Variants in SAE1 observed in about 807,000 individuals in gnomAD.
The protein encoded by SAE1 is SUMO-activating enzyme subunit 1.
In SAE1, 11 loss-of-function variants were observed where a neutral mutation model predicts 40.6. The ratio of observed to expected loss-of-function variants is 0.27; its 90% CI spans 0.17 to 0.45. SAE1 has a LOEUF of 0.45. Among genes scored for constraint, SAE1 ranks in the 20% least tolerant of loss-of-function variants. SAE1 has a pLI of 1.00. For synonymous variants in SAE1, 155 were observed against 154.3 expected (o/e 1.00, Z -0.03); for missense variants, 373 against 427.3 (o/e 0.87, Z 1.12).
At position 47,186,055 on chromosome 19, in the gene SAE1, C is replaced by T. The variant is rs557258542; in HGVS notation, c.734-11178C>T. On this transcript the variant is annotated intron_variant, in intron 6 of 8. Transcript: ENST00000270225. ...AGGAGTTCAAGACCAGCCTGGCTAA[C>T]ATGGTGAAACCCCGTCTCTACTAAA... 6.6e-5 allele frequency among the ~76,000 whole-genome samples: 10 copies of T among 151,528 alleles called. No homozygotes were observed. In the South Asian group the frequency reaches 2.1e-3, roughly 32 times the overall value.
At chr19:47,150,086 A>G in intron 2 of SAE1, 116 bp from the exon 3 acceptor site, 1 of 732,024 alleles carries the variant, frequency 1.4e-6, no homozygotes, top group Non-Finnish European at 2.0e-6. Flanking sequence ...AAAAAAAAAA[A>G]AAAAAAAAAT....
chr19:47,161,349 G>T (rs944921012), intron 5 of SAE1, among the ~76,000 whole-genome samples: 1 of 152,048 alleles, frequency 6.6e-6, no homozygotes, highest in African/African-American at 2.4e-5. Flanking sequence ...CACAAAAGAA[G>T]ATATGCAGCA....
chr19:47,190,448 C>CT (rs1285729547), intron 6 of SAE1, among the ~76,000 whole-genome samples: 1 of 152,168 alleles, frequency 6.6e-6, no homozygotes, highest in Non-Finnish European at 1.5e-5. Flanking sequence ...AGGCTGCTGC[C>CT]TGTCAAGAAC....
chr19:47,207,029 C>T (rs559180410), intron 8 of SAE1, among the ~76,000 whole-genome samples: 1 of 152,112 alleles, frequency 6.6e-6, no homozygotes, highest in Non-Finnish European at 1.5e-5. Context: ...GGTGCAGTAG[C>T]TCATGCCTGT....
At chr19:47,137,703 TTGTGTGTG>T (rs35991953) in intron 1 of SAE1, among the ~76,000 whole-genome samples, 7,137 of 134,886 alleles carry the variant, frequency 0.053, 224 homozygotes, top group Middle Eastern at 0.083. Flanking sequence ...ACTCAGCTGA[TTGTGTGTG>T]TGTGTGTGTG....
chr19:47,177,817 G>T (rs1269597686), intron 6 of SAE1, among the ~76,000 whole-genome samples: 1 of 152,194 alleles, frequency 6.6e-6, no homozygotes, highest in Non-Finnish European at 1.5e-5. Flanking sequence ...TCTCGGAACA[G>T]GTATTTGCCA....
intron 7 of SAE1, among the ~76,000 whole-genome samples, chr19:47,200,283 G>C (rs747648014): frequency 1.8e-4 from 27 of 149,188 alleles, no homozygotes; most frequent in Non-Finnish European, 3.0e-4. Context: ...GCCTAGGCTA[G>C]AGTGCAGTGG....
chr19:47,150,912 A>C (rs2058283926), intron 3 of SAE1, among the ~76,000 whole-genome samples: 2 of 152,312 alleles, frequency 1.3e-5, no homozygotes, highest in South Asian at 4.1e-4. Context: ...TGTAGTCGTA[A>C]GTCAAATGAG....
chr19:47,183,115 C>T (rs2058521701), intron 6 of SAE1, among the ~76,000 whole-genome samples: 1 of 152,082 alleles, frequency 6.6e-6, no homozygotes, highest in Non-Finnish European at 1.5e-5. Context: ...GGGCTTTCAC[C>T]ATGTTGGCCA....
chr19:47,196,018 G>T (rs1211713672), intron 6 of SAE1, among the ~76,000 whole-genome samples: 1 of 148,256 alleles, frequency 6.7e-6, no homozygotes, highest in Non-Finnish European at 1.5e-5. Context: ...GCAGATGTGT[G>T]CCATCACACT....
chr19:47,178,947 A>G (rs937694225), intron 6 of SAE1, among the ~76,000 whole-genome samples: 2 of 152,100 alleles, frequency 1.3e-5, no homozygotes, highest in Admixed American at 1.3e-4. Flanking sequence ...TAATCCCAGC[A>G]CTTTGGGAGG....
chr19:47,166,624 G>A (rs1266651600), intron 5 of SAE1, among the ~76,000 whole-genome samples: 1 of 152,004 alleles, frequency 6.6e-6, no homozygotes, highest in Non-Finnish European at 1.5e-5. Context: ...TTATAGTCAG[G>A]CAAACAACAA....
In SAE1 at chr19:47,162,680, T is replaced by C. The variant is rs75284488; in HGVS notation, c.628-7138T>C. Among the ~76,000 whole-genome samples, 1,442 of 152,240 alleles carry C rather than the reference T, an allele frequency of 9.5e-3. 25 individuals are homozygous for C. Among genetic ancestry groups the C allele is most frequent in the African/African-American group, 0.033 (1,364 of 41,538 alleles). ...TATGCAGAATTATATTACTTGTTAC[T>C]GTTAGGCCTGATTTAAGAAGTAAAA... On this transcript the variant is annotated intron_variant, in intron 5 of 8. Transcript: ENST00000270225.
chr19:47,137,875 C>T (rs149437427), intron 1 of SAE1, among the ~76,000 whole-genome samples: 13 of 151,824 alleles, frequency 8.6e-5, no homozygotes, highest in South Asian at 2.1e-4. Context: ...ATTACAGGCG[C>T]GTGCCACCAC....
chr19:47,182,155 T>C (rs1264766032), intron 6 of SAE1, among the ~76,000 whole-genome samples: 1 of 152,272 alleles, frequency 6.6e-6, no homozygotes, highest in Admixed American at 6.5e-5. Context: ...CCAACTTTCC[T>C]GTTTTGTGAT....
At chr19:47,203,399 T>A (rs958151277) in intron 7 of SAE1, among the ~76,000 whole-genome samples, 1 of 152,220 alleles carries the variant, frequency 6.6e-6, no homozygotes, top group Non-Finnish European at 1.5e-5. Flanking sequence ...AGCACAGATA[T>A]AGTCTTTCCT....
intron 5 of SAE1, among the ~76,000 whole-genome samples, chr19:47,167,556 A>G (rs771903878): frequency 4.6e-5 from 7 of 152,082 alleles, no homozygotes; most frequent in East Asian, 1.9e-4. Context: ...TTGAACTTTT[A>G]TCTGTCAAAT....
intron 6 of SAE1, among the ~76,000 whole-genome samples, chr19:47,177,154 A>G (rs1416409011): frequency 6.6e-6 from 1 of 152,256 alleles, no homozygotes; most frequent in African/African-American, 2.4e-5. Flanking sequence ...TTTGAGCCAC[A>G]GAATTGAAGC....
intron 7 of SAE1, among the ~76,000 whole-genome samples, chr19:47,201,361 T>A (rs1322558975): frequency 4.8e-5 from 1 of 21,020 alleles, no homozygotes; most frequent in African/African-American, 2.4e-4. Context: ...ATCTGGTTCC[T>A]TTTTTTTTTT....
Sources: gnomAD v4.1 joint callset for allele counts (sites outside exome capture counted in the v4.1 genomes callset) on GRCh38, gnomAD v4.1.1 for gene constraint, MANE v1.5 for transcripts, NCBI Gene and HGNC (gene_info 2026-07-23, HGNC 2026-07-21) for gene names.